Variants in ITGA5 observed in about 807,000 individuals in gnomAD.
ITGA5 encodes integrin alpha-5.
ITGA5 carries 55 observed loss-of-function variants against 146.3 expected under a neutral mutation model. That is an observed-to-expected ratio of 0.38 (90% CI 0.30 to 0.47). ITGA5 has a LOEUF of 0.47. ITGA5 is among the 20% of genes least tolerant of loss of function. The pLI is 0.99. For missense variants in ITGA5, 1,131 were observed against 1,329.0 expected, an observed-to-expected ratio of 0.85 and a Z score of 2.32; for synonymous variants, 500 against 531.8, an observed-to-expected ratio of 0.94 and a Z score of 0.82.
At chr12:54,400,292 A>G (rs948260858) in intron 25 of ITGA5, 2 of 267,996 alleles carry the variant, frequency 7.5e-6, no homozygotes, top group African/African-American at 4.4e-5. Flanking sequence ...GACGTCTTCA[A>G]GAGGTTTTTC....
chr12:54,403,563 T>A lies in ITGA5; in HGVS notation c.1776+62A>T. The A allele has an allele frequency of 1.3e-6, 2 of 1,534,578 alleles. No homozygotes were observed. The highest frequency in any genetic ancestry group is 1.8e-6 in the Non-Finnish European group (2 of 1,132,772). ...CCCCAGTCTTTTTCCCTTCAGGAGG[T>A]GCCCTCAGTTCTGTGTGGCCACCCT... On this transcript the variant is annotated intron_variant, in intron 17 of 29. Transcript: ENST00000293379. This position sits in a 1 kb window ranked among gnomAD's most constrained non-coding sequence, Gnocchi z 4.9.
chr12:54,418,055 T>C (rs769289685), intron 1 of ITGA5, among the ~76,000 whole-genome samples: 8 of 152,194 alleles, frequency 5.3e-5, no homozygotes, highest in Non-Finnish European at 1.2e-4. Context: ...TCCTTCATTC[T>C]GACGTTCTTG....
chr12:54,400,553 G>T lies in ITGA5; in HGVS notation c.2643+293C>A, dbSNP rs145490810. On this transcript the variant is annotated intron_variant, in intron 25 of 29. Transcript: ENST00000293379. Reference sequence around the variant, plus strand: ...TAAATGAACTATAAAACAGGCATTCGGGCCCAGAGGAAAAGGTTTGAAGAA... The same window carrying T: ...TAAATGAACTATAAAACAGGCATTCTGGCCCAGAGGAAAAGGTTTGAAGAA... 1.5e-3 allele frequency: 524 copies of T among 343,052 alleles called. 3 individuals carry two copies. The highest frequency in any genetic ancestry group is 0.01 in the African/African-American group (489 of 47,230). 21.3% of individuals were successfully genotyped at this position (343,052 alleles called of 1,614,324 possible).
chr12:54,415,711 G>A (rs73322246), intron 1 of ITGA5, among the ~76,000 whole-genome samples: 7,749 of 152,264 alleles, frequency 0.051, 492 homozygotes, highest in African/African-American at 0.14. Flanking sequence ...GTCAGGGGTG[G>A]AGAGCAGCAA....
intron 15 of ITGA5, 29 bp downstream of exon 15, chr12:54,404,116 T>C (rs758412655): frequency 3.8e-6 from 6 of 1,569,438 alleles, no homozygotes; most frequent in Non-Finnish European, 5.2e-6. Flanking sequence ...CAGGCTCAGG[T>C]CTCTGCAATT....
At chr12:54,404,096 T>C (rs1332195805) in intron 15 of ITGA5, 49 bp downstream of exon 15, 3 of 1,566,540 alleles carry the variant, frequency 1.9e-6, no homozygotes, top group Admixed American at 1.7e-5. Flanking sequence ...TTGGTGCCCC[T>C]GCCCACTCCC....
rs1234330568 is a variant in ITGA5, at chr12:54,396,023, AG to A, written c.*269del. On this transcript the variant is annotated 3_prime_UTR_variant, in exon 30 of 30. Transcript: ENST00000293379. Reference sequence around the variant, plus strand: ...AAACTCTCCAAAATGCAAAGGCTTCAGGGAGGCTGGGGCCTCTGTCCCTGGA... The same window carrying A: ...AAACTCTCCAAAATGCAAAGGCTTCAGGAGGCTGGGGCCTCTGTCCCTGGA... 1.8e-5 allele frequency: 7 copies of A among 398,964 alleles called. No individual in the cohort carries two copies. Among genetic ancestry groups the A allele is most frequent in the African/African-American group, 1.4e-4 (7 of 48,688 alleles). The allele number at this position is 398,964 out of a possible 1,614,324, so 24.7% of individuals were successfully genotyped here.
chr12:54,418,661 A>C (rs1181955490), intron 1 of ITGA5, among the ~76,000 whole-genome samples: 1 of 143,260 alleles, frequency 7.0e-6, no homozygotes, highest in Non-Finnish European at 1.5e-5. Flanking sequence ...TCAGCCAGAG[A>C]CCCTCAGCTC....
In ITGA5 at chr12:54,409,617, G is replaced by C. The variant is rs777642808; in HGVS notation, c.350-20C>G. 1.3e-6 allele frequency: 2 copies of C among 1,546,136 alleles called. No individual in the cohort carries two copies. Among genetic ancestry groups the C allele is most frequent in the South Asian group, 2.2e-5 (2 of 89,488 alleles). On this transcript the variant is annotated intron_variant, in intron 2 of 29. Transcript: ENST00000293379. The surrounding 1 kb of genome is among the most constrained non-coding windows in gnomAD (Gnocchi z 4.7). ...GAGAGCCTTGTGGAAGTGAGAAGGG[G>C]GAGTCTTACTGAGCCATGGACATTT... is the stretch of plus-strand genomic sequence containing the variant.
Position 54,403,587 on chromosome 12 carries a change from C to T in ITGA5, c.1776+38G>A, listed in dbSNP as rs1477781508. 3.1e-6 allele frequency: 5 copies of T among 1,589,342 alleles called. No individual in the cohort carries two copies. Among genetic ancestry groups the T allele is most frequent in the South Asian group, 1.1e-5 (1 of 88,850 alleles). On this transcript the variant is annotated intron_variant, in intron 17 of 29. Coordinates refer to ENST00000293379, the MANE Select transcript of ITGA5 (RefSeq NM_002205.5). The surrounding 1 kb of genome is among the most constrained non-coding windows in gnomAD (Gnocchi z 4.9). The stretch of plus-strand genomic sequence containing the variant: ...GTGCCCTCAGTTCTGTGTGGCCACC[C>T]TCCCTGGCCAGTCCACACCCCGCCC...
At chr12:54,397,873 TCTTA>T (rs752023744) in intron 28 of ITGA5, among the ~76,000 whole-genome samples, 9 of 152,018 alleles carry the variant, frequency 5.9e-5, no homozygotes, top group Non-Finnish European at 8.8e-5. Flanking sequence ...CAATATTGTC[TCTTA>T]CTTTCGGGCT....
At position 54,399,775 on chromosome 12, in the gene ITGA5, T is replaced by C; in HGVS notation, c.2728-17A>G. ...CGGGCATTTCTAGGAAGAAAGAAGC[T>C]TGAACCTGGTGTTCTGCCCTTGTGA... On this transcript the variant is annotated splice_polypyrimidine_tract_variant and intron_variant, in intron 26 of 29. Coordinates refer to ENST00000293379, the MANE Select transcript of ITGA5 (RefSeq NM_002205.5). 6.2e-7 allele frequency: 1 copy of C among 1,613,000 alleles called. No individual in the cohort carries two copies. The highest frequency in any genetic ancestry group is 8.5e-7 in the Non-Finnish European group (1 of 1,178,940).
intron 27 of ITGA5, 180 bp from the exon 28 acceptor site, chr12:54,398,878 C>T (rs983842108): frequency 6.1e-6 from 3 of 490,832 alleles, no homozygotes; most frequent in East Asian, 3.9e-5. Flanking sequence ...CTCACTCTGT[C>T]CCCCAGGCTG....
chr12:54,416,252 T>C lies in ITGA5; in HGVS notation c.218+2729A>G, dbSNP rs1377131583. 6.6e-6 allele frequency among the ~76,000 whole-genome samples: 1 copy of C among 152,170 alleles called. No homozygotes were observed. The highest frequency in any genetic ancestry group is 1.9e-4 in the East Asian group (1 of 5,198). On this transcript the variant is annotated intron_variant, in intron 1 of 29. Transcript: ENST00000293379. This position sits in a 1 kb window ranked among gnomAD's most constrained non-coding sequence, Gnocchi z 4.1. Reference sequence around the variant, plus strand: ...GCTCGGCTAATTTTTTTATTTTTAGTAGAGATGGGGTTTCACCATGTTGGC... The same window carrying C: ...GCTCGGCTAATTTTTTTATTTTTAGCAGAGATGGGGTTTCACCATGTTGGC...
chr12:54,407,319 A>C (rs1955879904), intron 9 of ITGA5: 1 of 356,268 alleles, frequency 2.8e-6, no homozygotes, highest in East Asian at 5.2e-5. Context: ...TGGTCTAATA[A>C]TAACATCTGC....
Position 54,401,364 on chromosome 12 carries a change from C to T in ITGA5, c.2493+9G>A, listed in dbSNP as rs368319257. 4.4e-6 allele frequency: 7 copies of T among 1,589,982 alleles called. No individual in the cohort carries two copies. The highest frequency in any genetic ancestry group is 4.0e-5 in the African/African-American group (3 of 74,344). On this transcript the variant is annotated intron_variant, in intron 24 of 29. Transcript: ENST00000293379. The surrounding 1 kb of genome is among the most constrained non-coding windows in gnomAD (Gnocchi z 5.0). Reference sequence around the variant, plus strand: ...TCATTCATTCTGGCCCTGCCCCTTCCCCCCTTACCTCATAGACATGGTGGA... The same window carrying T: ...TCATTCATTCTGGCCCTGCCCCTTCTCCCCTTACCTCATAGACATGGTGGA...
At chr12:54,408,280 AG>A in intron 6 of ITGA5, 45 bp from the exon 7 acceptor site, 5 of 1,608,684 alleles carry the variant, frequency 3.1e-6, no homozygotes, top group Non-Finnish European at 4.2e-6. Flanking sequence ...GAAGTGGCAG[AG>A]GGGGCTTGGG....
In ITGA5 at chr12:54,409,697, A is replaced by G; in HGVS notation, c.350-100T>C. Reference sequence around the variant, plus strand: ...TGGGGATACCCAACAAACGCTTCCAAGCCCTGAGACTCCATGACTCGCTGG... The same window carrying G: ...TGGGGATACCCAACAAACGCTTCCAGGCCCTGAGACTCCATGACTCGCTGG... On this transcript the variant is annotated intron_variant, in intron 2 of 29. Transcript: ENST00000293379. The surrounding 1 kb of genome is among the most constrained non-coding windows in gnomAD (Gnocchi z 4.7). The G allele has an allele frequency of 1.4e-6, 1 of 695,576 alleles. No individual in the cohort carries two copies. Among genetic ancestry groups the G allele is most frequent in the Admixed American group, 2.6e-5 (1 of 38,722 alleles). The allele number at this position is 695,576 out of a possible 1,614,324, so 43.1% of individuals were successfully genotyped here. A position where few individuals can be genotyped will look rare whatever the true frequency, so the allele number is the denominator to read the frequency against.
Position 54,400,916 on chromosome 12 carries a change from A to G in ITGA5, c.2573T>C (p.Leu858Pro), listed in dbSNP as rs1172181613. ...TCCCGTAACTCTGGTCACATATAGG[A>G]GCTGCTGACCTTCCAGAGCCTGGGG... ...SCPQALEGQQ[L>P]LYVTRVTGLN... The change falls in exon 25 of 30, where the codon CTC (leucine) becomes CCC (proline). Residue 858 changes from leucine to proline, a missense_variant. By Grantham distance (98) the Leu-to-Pro change is moderately conservative. Transcript: ENST00000293379. 6.2e-7 allele frequency: 1 copy of G among 1,613,960 alleles called. No homozygotes were observed. The highest frequency in any genetic ancestry group is 1.7e-5 in the Admixed American group (1 of 59,998).
Sources: gnomAD v4.1 joint callset for allele counts (sites outside exome capture counted in the v4.1 genomes callset) on GRCh38, gnomAD v4.1.1 for gene constraint, Gnocchi (gnomAD v3.1) non-coding constraint, MANE v1.5 for transcripts, NCBI Gene and HGNC (gene_info 2026-07-23, HGNC 2026-07-21) for gene names.